The following HCN1 variants were observed in gnomAD, a reference collection of about 807,000 sequenced individuals.
HCN1 encodes hyperpolarization activated cyclic nucleotide gated potassium channel 1, also known as potassium/sodium hyperpolarization-activated cyclic nucleotide-gated channel 1.
A neutral mutation model predicts 78.9 loss-of-function variants in HCN1; 13 were observed. The observed-to-expected ratio is 0.16, with a 90% CI of 0.11 to 0.26. HCN1 has a LOEUF of 0.26. Ranked by LOEUF, HCN1 falls within the 10% of genes least tolerant of loss-of-function variation. HCN1 has a pLI of 1.00. For synonymous variants in HCN1, 552 were observed against 455.5 expected (o/e 1.21, Z -2.70); for missense variants, 810 against 1,154.3 (o/e 0.70, Z 4.32).
intron 3 of HCN1, among the ~76,000 whole-genome samples, chr5:45,430,738 C>G (rs991569751): frequency 3.3e-5 from 5 of 152,014 alleles, no homozygotes; most frequent in Non-Finnish European, 7.4e-5. Flanking sequence ...AGGAGAATGG[C>G]GTGAACATGG....
chr5:45,539,724 A>T (rs1743054834), intron 2 of HCN1, among the ~76,000 whole-genome samples: 1 of 148,152 alleles, frequency 6.7e-6, no homozygotes, highest in South Asian at 2.1e-4. Flanking sequence ...TTAATAAAAT[A>T]TTTAATATTA....
chr5:45,284,345 T>G (rs1745228198), intron 6 of HCN1, among the ~76,000 whole-genome samples: 1 of 152,164 alleles, frequency 6.6e-6, no homozygotes, highest in Non-Finnish European at 1.5e-5. Context: ...TGTAACCCTG[T>G]AACCCCTTTC....
At chr5:45,562,727 T>C (rs145667243) in intron 2 of HCN1, among the ~76,000 whole-genome samples, 3 of 152,106 alleles carry the variant, frequency 2.0e-5, no homozygotes, top group Non-Finnish European at 4.4e-5. Context: ...AAAACCAGAA[T>C]TGCCACTTTT....
intron 4 of HCN1, among the ~76,000 whole-genome samples, chr5:45,374,092 GTA>G (rs1747524731): frequency 2.9e-5 from 1 of 34,472 alleles, no homozygotes; most frequent in Non-Finnish European, 5.7e-5. Context: ...TTACATATAT[GTA>G]TATAATATAT....
At chr5:45,585,098 C>T (rs1403806834) in intron 2 of HCN1, among the ~76,000 whole-genome samples, 1 of 152,174 alleles carries the variant, frequency 6.6e-6, no homozygotes, top group Non-Finnish European at 1.5e-5. Flanking sequence ...TGCGGAAGTT[C>T]TCCTGATAAT....
At chr5:45,435,408 A>G (rs1281576885) in intron 3 of HCN1, among the ~76,000 whole-genome samples, 2 of 152,132 alleles carry the variant, frequency 1.3e-5, no homozygotes, top group African/African-American at 4.8e-5. Flanking sequence ...CCAATATTCA[A>G]TTAAATTTTT....
At chr5:45,684,715 G>C (rs1173360547) in intron 1 of HCN1, among the ~76,000 whole-genome samples, 1 of 152,082 alleles carries the variant, frequency 6.6e-6, no homozygotes, top group South Asian at 2.1e-4. Context: ...ACAAAAACTA[G>C]CTAGGTGTGG....
intron 3 of HCN1, among the ~76,000 whole-genome samples, chr5:45,426,210 T>C (rs565957272): frequency 3.0e-4 from 45 of 152,334 alleles, no homozygotes; most frequent in Non-Finnish European, 3.5e-4. Flanking sequence ...GTATGGTGAA[T>C]ACCTTTTTGT....
intron 4 of HCN1, among the ~76,000 whole-genome samples, chr5:45,373,257 T>C (rs868292676): frequency 4.9e-4 from 59 of 119,836 alleles, no homozygotes; most frequent in East Asian, 2.5e-3. Flanking sequence ...ATATATTTTA[T>C]ATTATATATT....
intron 2 of HCN1, among the ~76,000 whole-genome samples, chr5:45,539,921 T>G (rs944238735): frequency 6.7e-4 from 1 of 1,498 alleles, no homozygotes; most frequent in African/African-American, 7.2e-4. Flanking sequence ...AATTGTGAGA[T>G]ATATATATAT....
chr5:45,565,958 A>G (rs766729556), intron 2 of HCN1, among the ~76,000 whole-genome samples: 11 of 152,190 alleles, frequency 7.2e-5, no homozygotes, highest in Non-Finnish European at 1.2e-4. Flanking sequence ...TAAAATTGAA[A>G]TGTGTTCTCA....
At chr5:45,316,442 C>T (rs568560057) in intron 5 of HCN1, among the ~76,000 whole-genome samples, 38 of 152,202 alleles carry the variant, frequency 2.5e-4, no homozygotes, top group Middle Eastern at 3.4e-3. Context: ...TTAAGACAAA[C>T]CCACAGTCAA....
At chr5:45,570,727 T>TA (rs1369618336) in intron 2 of HCN1, among the ~76,000 whole-genome samples, 1 of 152,142 alleles carries the variant, frequency 6.6e-6, no homozygotes, top group Non-Finnish European at 1.5e-5. Flanking sequence ...GCCTTACTTT[T>TA]AAAAAGATTA....
At chr5:45,475,663 C>A (rs548077600) in intron 2 of HCN1, among the ~76,000 whole-genome samples, 1 of 152,118 alleles carries the variant, frequency 6.6e-6, no homozygotes, top group African/African-American at 2.4e-5. Context: ...ACTCACAAAT[C>A]ACTGTCATGT....
intron 2 of HCN1, among the ~76,000 whole-genome samples, chr5:45,637,097 T>C (rs963706670): frequency 1.3e-5 from 2 of 152,020 alleles, no homozygotes; most frequent in Non-Finnish European, 2.9e-5. Context: ...AATGAGGAAG[T>C]TGATTAATTT....
chr5:45,286,543 T>C (rs1282078620), intron 6 of HCN1, among the ~76,000 whole-genome samples: 1 of 152,044 alleles, frequency 6.6e-6, no homozygotes, highest in African/African-American at 2.4e-5. Flanking sequence ...TTCTAAGAAG[T>C]GTCTGATGTG....
chr5:45,332,202 A>T (rs773913567), intron 5 of HCN1, among the ~76,000 whole-genome samples: 6 of 151,460 alleles, frequency 4.0e-5, no homozygotes, highest in Non-Finnish European at 8.9e-5. Flanking sequence ...TTGTGGGTAC[A>T]TAGTAGTTGT....
chr5:45,548,524 C>G (rs1396764760), intron 2 of HCN1, among the ~76,000 whole-genome samples: 1 of 151,970 alleles, frequency 6.6e-6, no homozygotes, highest in Non-Finnish European at 1.5e-5. Context: ...TATGACAAAC[C>G]CACAGCCAAT....
intron 2 of HCN1, among the ~76,000 whole-genome samples, chr5:45,637,688 A>C (rs993163620): frequency 6.6e-6 from 1 of 152,002 alleles, no homozygotes; most frequent in South Asian, 2.1e-4. Flanking sequence ...AAAGGAAAAA[A>C]GTTCTAGAAA....
Sources: allele counts gnomAD v4.1 joint callset (sites outside exome capture counted in the v4.1 genomes callset), GRCh38; gene constraint gnomAD v4.1.1; transcripts MANE v1.5; gene names NCBI Gene and HGNC (gene_info 2026-07-23, HGNC 2026-07-21).